ITGB5: variants seen among roughly 807,000 people sequenced by gnomAD.
ITGB5 encodes the protein integrin beta-5.
Under a neutral mutation model 84.8 loss-of-function variants are expected in ITGB5, and 38 were observed. The ratio of observed to expected loss-of-function variants is 0.45; its 90% CI spans 0.35 to 0.59. The LOEUF is 0.59. ITGB5 is among the 20% of genes least tolerant of loss of function. ITGB5 has a pLI of 0.01. For synonymous variants in ITGB5, 393 were observed against 414.4 expected (o/e 0.95, Z 0.63); for missense variants, 905 against 1,034.5 (o/e 0.87, Z 1.72).
chr3:124,873,146 C>T (rs1934137163), intron 2 of ITGB5, among the ~76,000 whole-genome samples: 1 of 152,114 alleles, frequency 6.6e-6, no homozygotes, highest in African/African-American at 2.4e-5. Flanking sequence ...TTTTGGAGTT[C>T]TTATACCAAA....
At chr3:124,855,333 G>GA (rs745537876) in intron 3 of ITGB5, among the ~76,000 whole-genome samples, 2 of 152,014 alleles carry the variant, frequency 1.3e-5, no homozygotes, top group African/African-American at 4.8e-5. Context: ...ATAGATATAT[G>GA]AAAAACCAAC....
chr3:124,841,289 G>A (rs2065006689), intron 5 of ITGB5, 94 bp downstream of exon 5: 1 of 1,209,068 alleles, frequency 8.3e-7, no homozygotes, highest in African/African-American at 1.5e-5. Flanking sequence ...CACATGCTGG[G>A]GCACTCAAAG....
intron 1 of ITGB5, among the ~76,000 whole-genome samples, chr3:124,893,450 A>G (rs1355351456): frequency 6.6e-6 from 1 of 152,172 alleles, no homozygotes; most frequent in African/African-American, 2.4e-5. Context: ...TATTTGAAAA[A>G]TACCAAATTA....
intron 8 of ITGB5, among the ~76,000 whole-genome samples, chr3:124,811,719 C>A (rs1309091513): frequency 6.6e-6 from 1 of 152,166 alleles, no homozygotes; most frequent in Non-Finnish European, 1.5e-5. Flanking sequence ...TTGTATTATT[C>A]CTGCTACCCA....
At chr3:124,848,777 T>TTTTAA (rs2065112489) in intron 3 of ITGB5, among the ~76,000 whole-genome samples, 2 of 51,482 alleles carry the variant, frequency 3.9e-5, no homozygotes, top group Admixed American at 3.8e-4. Flanking sequence ...GCACTTCTTT[T>TTTTAA]TTTATTTTAT....
upstream of ITGB5, among the ~76,000 whole-genome samples, chr3:124,890,580 C>T (rs1324302374): frequency 6.6e-6 from 1 of 152,152 alleles, no homozygotes; most frequent in African/African-American, 2.4e-5. Context: ...CAGTGCTTTA[C>T]AAACTGTTGA....
At position 124,763,819 on chromosome 3, in the gene ITGB5, C is replaced by T. The variant is rs949964597; in HGVS notation, c.2305-101G>A. The stretch of plus-strand genomic sequence containing the variant: ...GATCCCTTCCCAGGTCAGCCCCCTG[C>T]GACAGCAGCAGGCAGAGCACTCAGG... On this transcript the variant is annotated intron_variant, in intron 14 of 14. Transcript: ENST00000296181. 2.2e-5 allele frequency: 15 copies of T among 675,736 alleles called. 1 individual carries two copies. The highest frequency in any genetic ancestry group is 1.2e-4 in the South Asian group (7 of 57,240). The allele number at this position is 675,736 out of a possible 1,614,324, so 41.9% of individuals were successfully genotyped here.
At chr3:124,894,934 C>A (rs143057299) in intron 1 of ITGB5, among the ~76,000 whole-genome samples, 2 of 152,130 alleles carry the variant, frequency 1.3e-5, no homozygotes, top group East Asian at 3.9e-4. Flanking sequence ...AAAAAATCCC[C>A]CCTCCCCCCC....
intron 1 of ITGB5, among the ~76,000 whole-genome samples, chr3:124,877,666 A>G (rs1689888250): frequency 6.6e-6 from 1 of 152,180 alleles, no homozygotes; most frequent in African/African-American, 2.4e-5. Flanking sequence ...AAAAGAGGTC[A>G]GACGGGGTCC....
intron 1 of ITGB5, among the ~76,000 whole-genome samples, chr3:124,880,796 G>A (rs1425574313): frequency 6.6e-6 from 1 of 151,704 alleles, no homozygotes; most frequent in Non-Finnish European, 1.5e-5. Context: ...AGGCATGGTG[G>A]CACGTGCCTG....
chr3:124,828,427 G>C (rs1468819196), intron 5 of ITGB5, among the ~76,000 whole-genome samples: 2 of 152,202 alleles, frequency 1.3e-5, no homozygotes, highest in African/African-American at 2.4e-5. Flanking sequence ...CAAAAAAAGA[G>C]TGTATACTAG....
intron 8 of ITGB5, among the ~76,000 whole-genome samples, chr3:124,811,927 T>C (rs764866710): frequency 2.6e-5 from 4 of 152,124 alleles, no homozygotes; most frequent in South Asian, 2.1e-4. Flanking sequence ...ACACCTGATA[T>C]GCACTTCTTT....
chr3:124,773,904 C>A lies in ITGB5; in HGVS notation c.1702G>T (p.Glu568Ter). ...CACTTGCATTCCCCGCAGTGACACTCGCCATGGCCTAAAAGGATACATGTG... is the reference window on the plus strand; with the variant it reads ...CACTTGCATTCCCCGCAGTGACACTAGCCATGGCCTAAAAGGATACATGTG... ...NKGVLCSGHG[E>*]CHCGECKCHA... The change falls in exon 11 of 15, where the codon GAG becomes TAG. Residue 568 changes from glutamate to a stop codon, truncating the protein, a stop_gained. Transcript: ENST00000296181. LOFTEE classifies it high-confidence loss of function. The A allele has an allele frequency of 6.2e-7, 1 of 1,614,124 alleles. No homozygotes were observed. Among genetic ancestry groups the A allele is most frequent in the South Asian group, 1.1e-5 (1 of 91,080 alleles).
chr3:124,832,019 G>T (rs1393833793), intron 5 of ITGB5, among the ~76,000 whole-genome samples: 2 of 152,214 alleles, frequency 1.3e-5, no homozygotes, highest in Non-Finnish European at 2.9e-5. Flanking sequence ...TGCTAACCTT[G>T]GGACAGTACC....
At chr3:124,828,312 T>G (rs1329272952) in intron 5 of ITGB5, among the ~76,000 whole-genome samples, 1 of 152,224 alleles carries the variant, frequency 6.6e-6, no homozygotes, top group Admixed American at 6.5e-5. Flanking sequence ...ACATAAACTG[T>G]TGCATATCTA....
chr3:124,795,647 G>T (rs2064211802), intron 10 of ITGB5, among the ~76,000 whole-genome samples: 1 of 152,166 alleles, frequency 6.6e-6, no homozygotes, highest in Admixed American at 6.5e-5. Flanking sequence ...GACTTTCCAG[G>T]GTTCGACTGA....
intron 10 of ITGB5, among the ~76,000 whole-genome samples, chr3:124,777,923 C>G (rs2063948029): frequency 6.6e-6 from 1 of 152,236 alleles, no homozygotes; most frequent in East Asian, 1.9e-4. Flanking sequence ...CAGCCCCAGA[C>G]CCTCCTACTG....
chr3:124,864,911 C>T (rs375932198), intron 2 of ITGB5, among the ~76,000 whole-genome samples: 5 of 152,140 alleles, frequency 3.3e-5, no homozygotes, highest in Admixed American at 1.3e-4. Flanking sequence ...TGGTGCCATC[C>T]CCTGGCTTCC....
At chr3:124,809,890 GCTCCCCAACC>G (rs1409037616) in intron 8 of ITGB5, among the ~76,000 whole-genome samples, 1 of 152,134 alleles carries the variant, frequency 6.6e-6, no homozygotes, top group Non-Finnish European at 1.5e-5. Flanking sequence ...AGCAACTAGG[GCTCCCCAACC>G]CTGCTGGTGG....
Sources: gnomAD v4.1 joint callset for allele counts (sites outside exome capture counted in the v4.1 genomes callset) on GRCh38, gnomAD v4.1.1 for gene constraint, MANE v1.5 for transcripts, NCBI Gene and HGNC (gene_info 2026-07-23, HGNC 2026-07-21) for gene names.